CTTNBP2NL: variants seen among roughly 807,000 people sequenced by gnomAD.
CTTNBP2NL encodes CTTNBP2 N-terminal-like protein.
Under a neutral mutation model 32.5 loss-of-function variants are expected in CTTNBP2NL, and 16 were observed. The ratio of observed to expected loss-of-function variants is 0.49; its 90% CI spans 0.33 to 0.75. The LOEUF (loss-of-function observed/expected upper bound fraction) is 0.75, where lower values mean the gene tolerates loss of function less well. Among genes scored for constraint, CTTNBP2NL ranks in the 30% least tolerant of loss-of-function variants. CTTNBP2NL has a pLI of 0.02. For missense variants in CTTNBP2NL, 645 were observed against 756.0 expected, an observed-to-expected ratio of 0.85 and a Z score of 1.72; for synonymous variants, 298 against 289.4, an observed-to-expected ratio of 1.03 and a Z score of -0.30.
In CTTNBP2NL at chr1:112,449,000, C is replaced by T; in HGVS notation, c.158C>T (p.Pro53Leu). The T allele has an allele frequency of 6.2e-7, 1 of 1,613,486 alleles. No homozygotes were observed. The highest frequency in any genetic ancestry group is 1.1e-5 in the South Asian group (1 of 91,060). Residue 53 changes from proline (P) to leucine (L), a missense_variant, in exon 4 of 6, where the codon CCT becomes CTT. Transcript: ENST00000271277. ...ERYGKYNISD[P>L]LMALQRDFET... ...TATGGAAAATATAACATCAGTGATC[C>T]TTTAATGGCTCTACAGAGAGATTTT...
intron 3 of CTTNBP2NL, among the ~76,000 whole-genome samples, chr1:112,419,141 C>T (rs999808395): frequency 1.3e-5 from 2 of 151,972 alleles, no homozygotes; most frequent in African/African-American, 2.4e-5. Context: ...CTTTTAAAAC[C>T]GAGGATAGAA....
At position 112,456,219 on chromosome 1, in the gene CTTNBP2NL, G is replaced by C. The variant is rs1193505046; in HGVS notation, c.727G>C (p.Asp243His). Residue 243 changes from aspartate (D) to histidine (H), a missense_variant, in exon 6 of 6, where the codon GAC becomes CAC. Coordinates refer to ENST00000271277, the MANE Select transcript of CTTNBP2NL (RefSeq NM_018704.3). ...AQVEKQLSEF[D>H]IEREQLRAKL... ...GGTAGAGAAGCAGTTATCAGAGTTT[G>C]ACATCGAAAGGGAACAACTGAGAGC... 1.2e-6 allele frequency: 2 copies of C among 1,613,980 alleles called. No individual in the cohort carries two copies. The highest frequency in any genetic ancestry group is 1.7e-5 in the Admixed American group (1 of 59,990).
At chr1:112,402,072 T>A (rs1019279988) in intron 1 of CTTNBP2NL, among the ~76,000 whole-genome samples, 1 of 152,120 alleles carries the variant, frequency 6.6e-6, no homozygotes, top group Non-Finnish European at 1.5e-5. Context: ...GCAAAACTGC[T>A]GGGAAAGGCT....
chr1:112,407,931 A>G (rs1433174080), intron 1 of CTTNBP2NL, among the ~76,000 whole-genome samples: 2 of 130,018 alleles, frequency 1.5e-5, no homozygotes, highest in African/African-American at 2.9e-5. Flanking sequence ...TGCAACCTCC[A>G]CCACCCGGGC....
intron 3 of CTTNBP2NL, among the ~76,000 whole-genome samples, chr1:112,423,437 T>C (rs1226734528): frequency 6.6e-6 from 1 of 152,090 alleles, no homozygotes; most frequent in East Asian, 1.9e-4. Flanking sequence ...CATTCCACAG[T>C]GTATACATAT....
In CTTNBP2NL at chr1:112,456,077, G is replaced by A; in HGVS notation, c.585G>A (p.Glu195=). ...ECKKATNKAA[E]EGQKAGELSL... is the part of the protein sequence containing the mutation. ...AGAAAGCCACCAACAAGGCAGCCGAGGAAGGACAGAAGGCAGGAGAGCTGA... is the reference window on the plus strand; with the variant it reads ...AGAAAGCCACCAACAAGGCAGCCGAAGAAGGACAGAAGGCAGGAGAGCTGA... Residue 195 remains glutamate (E), a synonymous_variant, in exon 6 of 6, where the codon GAG becomes GAA. Transcript: ENST00000271277. The A allele has an allele frequency of 6.2e-7, 1 of 1,614,172 alleles. No homozygotes were observed. The highest frequency in any genetic ancestry group is 1.1e-5 in the South Asian group (1 of 91,076).
At position 112,433,439 on chromosome 1, in the gene CTTNBP2NL, A is replaced by G. The variant is rs892749349; in HGVS notation, c.100-15503A>G. ...CAAAACCCTGTCTCTACTAAAATAC[A>G]ACAATTAACCAGGCACAATGGTGCA... On this transcript the variant is annotated intron_variant, in intron 3 of 5. Transcript: ENST00000271277. Among the ~76,000 whole-genome samples, 7 of 152,182 alleles carry G rather than the reference A, an allele frequency of 4.6e-5. No individual in the cohort carries two copies. In the East Asian group the frequency reaches 1.3e-3, roughly 29 times the overall value.
At chr1:112,406,222 A>G (rs1648661530) in intron 1 of CTTNBP2NL, among the ~76,000 whole-genome samples, 1 of 152,132 alleles carries the variant, frequency 6.6e-6, no homozygotes, top group African/African-American at 2.4e-5. Flanking sequence ...GTTCTATTTA[A>G]CTGTATTCAC....
chr1:112,425,834 A>G (rs1649376716), intron 3 of CTTNBP2NL, among the ~76,000 whole-genome samples: 1 of 152,190 alleles, frequency 6.6e-6, no homozygotes, highest in South Asian at 2.1e-4. Context: ...CTGCACTCCA[A>G]CTTGGGAGAC....
chr1:112,435,746 A>G (rs941305190), intron 3 of CTTNBP2NL, among the ~76,000 whole-genome samples: 1 of 152,322 alleles, frequency 6.6e-6, no homozygotes, highest in Admixed American at 6.5e-5. Context: ...TAAAGAAAAA[A>G]TCGTTTGGAA....
chr1:112,430,211 CTTT>C (rs1649526090), intron 3 of CTTNBP2NL, among the ~76,000 whole-genome samples: 1 of 36,730 alleles, frequency 2.7e-5, no homozygotes. Flanking sequence ...CTTTTCTTTT[CTTT>C]TCTTTTCTTG....
chr1:112,428,032 G>C (rs1205304618), intron 3 of CTTNBP2NL, among the ~76,000 whole-genome samples: 1 of 151,836 alleles, frequency 6.6e-6, no homozygotes, highest in African/African-American at 2.4e-5. Flanking sequence ...AGTGTTCCTA[G>C]GACAAAATTA....
chr1:112,457,421 A>G lies in CTTNBP2NL; in HGVS notation c.*9A>G. On this transcript the variant is annotated 3_prime_UTR_variant, in exon 6 of 6. Coordinates refer to ENST00000271277, the MANE Select transcript of CTTNBP2NL (RefSeq NM_018704.3). ...TGCCTACCAGCAGCTAGTCCCTAGGAGGGAGTCTCCACGTTTGACATTCCA... is the reference window on the plus strand; with the variant it reads ...TGCCTACCAGCAGCTAGTCCCTAGGGGGGAGTCTCCACGTTTGACATTCCA... The G allele has an allele frequency of 6.3e-7, 1 of 1,594,400 alleles. No homozygotes were observed. The highest frequency in any genetic ancestry group is 8.6e-7 in the Non-Finnish European group (1 of 1,169,172).
chr1:112,437,149 A>G (rs1232753440), intron 3 of CTTNBP2NL, among the ~76,000 whole-genome samples: 1 of 152,174 alleles, frequency 6.6e-6, no homozygotes, highest in East Asian at 1.9e-4. Flanking sequence ...CTTTGGGTAT[A>G]TATTGAGTAA....
intron 3 of CTTNBP2NL, among the ~76,000 whole-genome samples, chr1:112,434,503 C>G (rs933403995): frequency 6.6e-6 from 1 of 152,094 alleles, no homozygotes; most frequent in Non-Finnish European, 1.5e-5. Flanking sequence ...GACTTTAGAT[C>G]CAAATGGTCT....
In CTTNBP2NL at chr1:112,416,185, G is replaced by C; in HGVS notation, c.20G>C (p.Ser7Thr). The C allele has an allele frequency of 1.2e-6, 2 of 1,603,266 alleles. No individual in the cohort carries two copies. The highest frequency in any genetic ancestry group is 1.7e-6 in the Non-Finnish European group (2 of 1,175,110). Residue 7 changes from serine to threonine, a missense_variant, in exon 3 of 6, where the codon AGC becomes ACC. Ser to Thr is a moderately conservative substitution (Grantham distance 58). Coordinates refer to ENST00000271277, the MANE Select transcript of CTTNBP2NL (RefSeq NM_018704.3). ...TTCAAGATGAATCTGGAAAAACTCAGCAAGCCTGAACTCCTGACACTATTT... is the reference window on the plus strand; with the variant it reads ...TTCAAGATGAATCTGGAAAAACTCACCAAGCCTGAACTCCTGACACTATTT... Reference protein sequence around the residue: MNLEKLSKPELLTLFSI... With the variant: MNLEKLTKPELLTLFSI...
At chr1:112,404,682 G>A (rs1648606473) in intron 1 of CTTNBP2NL, among the ~76,000 whole-genome samples, 1 of 152,176 alleles carries the variant, frequency 6.6e-6, no homozygotes, top group Non-Finnish European at 1.5e-5. Flanking sequence ...AGACAATAGA[G>A]ACGGTCAGAT....
intron 3 of CTTNBP2NL, among the ~76,000 whole-genome samples, chr1:112,434,877 T>C (rs1649682040): frequency 6.6e-6 from 1 of 152,188 alleles, no homozygotes; most frequent in South Asian, 2.1e-4. Flanking sequence ...GTGCAGTGGC[T>C]CATGCTGGTA....
At chr1:112,406,353 C>T (rs575147140) in intron 1 of CTTNBP2NL, among the ~76,000 whole-genome samples, 1 of 152,242 alleles carries the variant, frequency 6.6e-6, no homozygotes, top group South Asian at 2.1e-4. Flanking sequence ...CATACAATTC[C>T]TAAGGCTGAT....
Sources: gnomAD v4.1 joint callset for allele counts (sites outside exome capture counted in the v4.1 genomes callset) on GRCh38, gnomAD v4.1.1 for gene constraint, MANE v1.5 for transcripts, NCBI Gene and HGNC (gene_info 2026-07-23, HGNC 2026-07-21) for gene names.